The following LSM14A variants were observed in gnomAD, a reference collection of about 807,000 sequenced individuals.
The protein encoded by LSM14A is protein LSM14 homolog A.
In LSM14A, 14 loss-of-function variants were observed where a neutral mutation model predicts 52.4. The observed-to-expected ratio is 0.27, with a 90% CI of 0.18 to 0.42. The LOEUF is 0.42. LSM14A is among the 10% of genes least tolerant of loss of function. The pLI, the probability that LSM14A is intolerant of heterozygous loss-of-function variation, is 1.00. For missense variants in LSM14A, 417 were observed against 581.8 expected (o/e 0.72, Z 2.91); for synonymous variants, 185 against 200.3 (o/e 0.92, Z 0.64).
chr19:34,180,654 C>T (rs1429608482), intron 1 of LSM14A, among the ~76,000 whole-genome samples: 1 of 151,998 alleles, frequency 6.6e-6, no homozygotes, highest in South Asian at 2.1e-4. Flanking sequence ...TTTCACTGTC[C>T]TCTCATTCCC....
rs1568479681 is a variant in LSM14A at position 34,192,310 on chromosome 19, C to CTTTTTTTTTT, written c.122-2163_122-2162insTTTTTTTTTT. 2.9e-4 allele frequency among the ~76,000 whole-genome samples: 15 copies of CTTTTTTTTTT among 51,662 alleles called. 1 individual carries two copies. Among genetic ancestry groups the CTTTTTTTTTT allele is most frequent in the Non-Finnish European group, 4.2e-4 (10 of 23,998 alleles). The allele number at this position is 51,662 out of a possible 152,430, so 33.9% of individuals were successfully genotyped here. On this transcript the variant is annotated intron_variant, in intron 1 of 9. Coordinates refer to ENST00000544216, the MANE Select transcript of LSM14A (RefSeq NM_015578.4). ...ACATTATTTACACTGAAATAACATT[C>CTTTTTTTTTT]TTTTTGTTGTTTTTTTTTTTTTTTT...
rs368886219 is a variant in LSM14A at position 34,172,780 on chromosome 19, C to T, written c.121+17C>T. The T allele has an allele frequency of 5.1e-6, 8 of 1,564,422 alleles. No individual in the cohort carries two copies. The African/African-American group carries it at 9.9e-5, about 19-fold the overall frequency. ...TTGCCAAAGGTACGCGGGACCGGGC[C>T]TCAGGGTGGGGGCCGAGCCGGGCGC... On this transcript the variant is annotated intron_variant, in intron 1 of 9. Coordinates refer to ENST00000544216, the MANE Select transcript of LSM14A (RefSeq NM_015578.4).
chr19:34,197,431 C>CTTTTTTTTTT (rs531343486), intron 3 of LSM14A, among the ~76,000 whole-genome samples: 16 of 63,294 alleles, frequency 2.5e-4, no homozygotes, highest in East Asian at 4.2e-4. Flanking sequence ...ATTTCTTTTT[C>CTTTTTTTTTT]TTTTTTTTTT....
intron 3 of LSM14A, among the ~76,000 whole-genome samples, chr19:34,199,517 A>G (rs764582336): frequency 1.3e-5 from 2 of 152,210 alleles, no homozygotes; most frequent in Non-Finnish European, 2.9e-5. Context: ...TGTTTTTACC[A>G]TGGAGACGGA....
chr19:34,197,154 C>A (rs2070903250), intron 3 of LSM14A, among the ~76,000 whole-genome samples: 1 of 152,056 alleles, frequency 6.6e-6, no homozygotes, highest in African/African-American at 2.4e-5. Flanking sequence ...TCCAGTGGCA[C>A]TATCTTGGCT....
intron 1 of LSM14A, among the ~76,000 whole-genome samples, chr19:34,174,903 G>GAA (rs1406045957): frequency 2.6e-5 from 4 of 151,558 alleles, no homozygotes; most frequent in Non-Finnish European, 5.9e-5. Context: ...TCCTCACAAA[G>GAA]AAAAAAAATA....
At chr19:34,192,316 G>GGTTTT (rs1341848304) in intron 1 of LSM14A, among the ~76,000 whole-genome samples, 2 of 65,822 alleles carry the variant, frequency 3.0e-5, no homozygotes, top group Non-Finnish European at 5.8e-5. Flanking sequence ...CATTCTTTTT[G>GGTTTT]TTGTTTTTTT....
intron 1 of LSM14A, 74 bp from the exon 2 acceptor site, chr19:34,194,404 A>G: frequency 7.9e-7 from 1 of 1,266,776 alleles, no homozygotes; most frequent in East Asian, 2.3e-5. Flanking sequence ...CTTGAAATAC[A>G]ACATTTAGAA....
At chr19:34,196,787 T>C (rs769376019) in intron 3 of LSM14A, 24 bp downstream of exon 3, 2 of 1,579,272 alleles carry the variant, frequency 1.3e-6, no homozygotes, top group African/African-American at 2.8e-5. Context: ...TTCTTTTCTT[T>C]TTTTGTTTTT....
intron 1 of LSM14A, among the ~76,000 whole-genome samples, chr19:34,176,599 ATATT>A (rs2069104618): frequency 6.6e-6 from 1 of 152,180 alleles, no homozygotes; most frequent in Non-Finnish European, 1.5e-5. Flanking sequence ...TGTGTTGTAT[ATATT>A]TTATTTTTAG....
At chr19:34,200,588 A>T (rs2071220663) in intron 3 of LSM14A, among the ~76,000 whole-genome samples, 1 of 152,204 alleles carries the variant, frequency 6.6e-6, no homozygotes, top group African/African-American at 2.4e-5. Context: ...GTTTGGTTAG[A>T]TGTTAACAGT....
At chr19:34,223,357 G>C (rs1028641357) in intron 9 of LSM14A, among the ~76,000 whole-genome samples, 3 of 152,154 alleles carry the variant, frequency 2.0e-5, no homozygotes, top group Admixed American at 6.5e-5. Flanking sequence ...CAAAGTGCTG[G>C]GTTTATAGGT....
intron 1 of LSM14A, among the ~76,000 whole-genome samples, chr19:34,173,966 A>G (rs2068899471): frequency 6.6e-6 from 1 of 151,392 alleles, no homozygotes; most frequent in Admixed American, 6.6e-5. Context: ...TTATTTTTCT[A>G]AGATGGAGTT....
At chr19:34,199,305 AT>A (rs2071116382) in intron 3 of LSM14A, among the ~76,000 whole-genome samples, 1 of 151,584 alleles carries the variant, frequency 6.6e-6, no homozygotes, top group Admixed American at 6.6e-5. Flanking sequence ...TTTCTTTTGT[AT>A]TTTTTGTGGA....
chr19:34,223,298 G>A (rs1004637936), intron 9 of LSM14A, among the ~76,000 whole-genome samples: 2 of 152,066 alleles, frequency 1.3e-5, no homozygotes, highest in African/African-American at 4.8e-5. Context: ...ATGTTGTCCA[G>A]GCTGGTCTTG....
intron 1 of LSM14A, among the ~76,000 whole-genome samples, chr19:34,185,945 C>T (rs144967130): frequency 1.4e-3 from 206 of 152,296 alleles, no homozygotes; most frequent in African/African-American, 4.8e-3. Context: ...TTGTTATTTA[C>T]TCTAAACAAT....
chr19:34,202,364 A>C (rs900416799), intron 3 of LSM14A, among the ~76,000 whole-genome samples: 1 of 150,142 alleles, frequency 6.7e-6, no homozygotes, highest in Non-Finnish European at 1.5e-5. Context: ...ATGGTGGCAC[A>C]CTCCTGTAAT....
At chr19:34,203,778 G>A (rs2071477217) in intron 3 of LSM14A, among the ~76,000 whole-genome samples, 1 of 146,922 alleles carries the variant, frequency 6.8e-6, no homozygotes. Context: ...ACTCCAGCCT[G>A]AGCAACAGAG....
rs2073479811 is a variant in LSM14A at position 34,229,204 on chromosome 19, G to A, written c.*1816G>A. 1 of 152,122 alleles carries A rather than the reference G, an allele frequency of 6.6e-6. No individual in the cohort carries two copies. Among genetic ancestry groups the A allele is most frequent in the Admixed American group, 6.5e-5 (1 of 15,274 alleles). The allele number at this position is 152,122 out of a possible 1,614,324, so 9.4% of individuals were successfully genotyped here. A position where few individuals can be genotyped will look rare whatever the true frequency, so the allele number is the denominator to read the frequency against. On this transcript the variant is annotated 3_prime_UTR_variant, in exon 10 of 10. Transcript: ENST00000544216. ...GGCGTTTTGTGCCCCAGCAATAACTGGCAGCATGGCATACCTGCAGTACCC... is the reference window on the plus strand; with the variant it reads ...GGCGTTTTGTGCCCCAGCAATAACTAGCAGCATGGCATACCTGCAGTACCC...
Sources: gnomAD v4.1 joint callset for allele counts (sites outside exome capture counted in the v4.1 genomes callset) on GRCh38, gnomAD v4.1.1 for gene constraint, MANE v1.5 for transcripts, NCBI Gene and HGNC (gene_info 2026-07-23, HGNC 2026-07-21) for gene names.